Variants in SLC12A7 observed in about 807,000 individuals in gnomAD.
SLC12A7 encodes the protein solute carrier family 12 member 7, also known as K-Cl cotransporter 4.
A neutral mutation model predicts 120.6 loss-of-function variants in SLC12A7; 100 were observed. The ratio of observed to expected loss-of-function variants is 0.83; its 90% CI spans 0.71 to 0.98. The LOEUF is 0.98. Ranked by LOEUF, SLC12A7 falls within the 50% of genes least tolerant of loss-of-function variation. The pLI is 0.00. For missense variants in SLC12A7, 1,373 were observed against 1,548.1 expected (o/e 0.89, Z 1.90); for synonymous variants, 760 against 678.0 (o/e 1.12, Z -1.88).
In SLC12A7 at chr5:1,064,125, G is replaced by A. The variant is rs137938985; in HGVS notation, c.2565C>T (p.Gly855=). ...HIDVWWIVHD[G]GMLMLLPFLL... ...GGAAGGGCAGCAGCATGAGCATGCC[G>A]CCGTCGTGCACGATCCACCACACGT... Residue 855 remains glycine, a synonymous_variant, in exon 19 of 24, where the codon GGC becomes GGT. Transcript: ENST00000264930. The A allele has an allele frequency of 2.3e-3, 3,698 of 1,610,530 alleles. 3 individuals are homozygous for A. The highest frequency in any genetic ancestry group is 2.7e-3 in the Non-Finnish European group (3,231 of 1,178,512).
chr5:1,079,901 G>A (rs1738812809), intron 9 of SLC12A7, among the ~76,000 whole-genome samples: 1 of 152,234 alleles, frequency 6.6e-6, no homozygotes, highest in Non-Finnish European at 1.5e-5. Flanking sequence ...AGCCCAGCCA[G>A]CCAGGCCAGC....
the SLC12A7 span, among the ~76,000 whole-genome samples, chr5:1,147,871 G>A: frequency 3.3e-5 from 5 of 151,976 alleles, no homozygotes; most frequent in Admixed American, 6.6e-5. Flanking sequence ...AGGTGGGACC[G>A]TGGGTGTGCA....
intron 1 of SLC12A7, among the ~76,000 whole-genome samples, chr5:1,102,462 G>C (rs995702105): frequency 6.6e-6 from 1 of 152,098 alleles, no homozygotes; most frequent in African/African-American, 2.4e-5. Context: ...GCCATTCTCC[G>C]CAAAGGGCTC....
chr5:1,131,195 A>G, the SLC12A7 span, among the ~76,000 whole-genome samples: 2 of 152,078 alleles, frequency 1.3e-5, no homozygotes, highest in African/African-American at 4.8e-5. Flanking sequence ...ACACGTGGGG[A>G]CACGCTCGGA....
chr5:1,058,757 A>G (rs1024571409), intron 21 of SLC12A7, among the ~76,000 whole-genome samples: 2 of 152,112 alleles, frequency 1.3e-5, no homozygotes, highest in African/African-American at 4.8e-5. Context: ...TAAATTTCCC[A>G]TGGCCTTGAA....
the SLC12A7 span, among the ~76,000 whole-genome samples, chr5:1,117,441 C>T: frequency 6.6e-6 from 1 of 152,066 alleles, no homozygotes; most frequent in Admixed American, 6.5e-5. This position sits in a 1 kb window ranked among gnomAD's most constrained non-coding sequence, Gnocchi z 4.5. Flanking sequence ...AAACCTCCTT[C>T]TTGCCTGAGG....
the SLC12A7 span, among the ~76,000 whole-genome samples, chr5:1,135,582 C>T: frequency 3.3e-5 from 5 of 152,216 alleles, no homozygotes; most frequent in Admixed American, 1.3e-4. Flanking sequence ...ACAAAGACAG[C>T]TCCAAAACAA....
At chr5:1,066,828 G>C (rs929950539) in intron 17 of SLC12A7, among the ~76,000 whole-genome samples, 7 of 152,156 alleles carry the variant, frequency 4.6e-5, no homozygotes, top group African/African-American at 1.7e-4. Context: ...TGGAGGCAGC[G>C]TGGCCTGCGG....
rs1735138651 is a variant in SLC12A7, at chr5:1,052,401, C to T, written c.3211G>A (p.Val1071Ile). The T allele has an allele frequency of 6.2e-7, 1 of 1,612,836 alleles. No individual in the cohort carries two copies. Among genetic ancestry groups the T allele is most frequent in the Non-Finnish European group, 8.5e-7 (1 of 1,180,012 alleles). Residue 1071 changes from valine to isoleucine, a missense_variant, in exon 24 of 24, where the codon GTC becomes ATC. By Grantham distance (29) the Val-to-Ile change is conservative. Coordinates refer to ENST00000264930, the MANE Select transcript of SLC12A7 (RefSeq NM_006598.3). Reference protein sequence around the residue: ...LTEGLNRVLLVRGGGREVITI... With the variant: ...LTEGLNRVLLIRGGGREVITI... Reference sequence around the variant, plus strand: ...ATCACCTCCCGGCCGCCACCCCTGACCAGGAGGACTCTGTTCAGCCCCTCG... The same window carrying T: ...ATCACCTCCCGGCCGCCACCCCTGATCAGGAGGACTCTGTTCAGCCCCTCG...
intron 18 of SLC12A7, among the ~76,000 whole-genome samples, chr5:1,065,064 GAGGGGA>G (rs1736866685): frequency 7.1e-6 from 1 of 141,434 alleles, no homozygotes; most frequent in Admixed American, 7.0e-5. Flanking sequence ...GGGGGACAGT[GAGGGGA>G]CAGCAAGGGG....
chr5:1,054,149 G>A (rs2150773849), intron 22 of SLC12A7, among the ~76,000 whole-genome samples: 1 of 152,226 alleles, frequency 6.6e-6, no homozygotes, highest in Non-Finnish European at 1.5e-5. Context: ...CCCTCCTACG[G>A]CCCACCCTGC....
chr5:1,063,843 C>T lies in SLC12A7; in HGVS notation c.2739+1G>A, dbSNP rs200597362. The T allele has an allele frequency of 6.5e-7, 1 of 1,543,676 alleles. No individual in the cohort carries two copies. Among genetic ancestry groups the T allele is most frequent in the East Asian group, 2.4e-5 (1 of 41,416 alleles). ...CCTCCCCTCAAGCCCTCGGGACTCA[C>T]CATCTCCACCACCTCCACCTCGGCG... is the stretch of plus-strand genomic sequence containing the variant. On this transcript the variant is annotated splice_donor_variant, in intron 20 of 23. Coordinates refer to ENST00000264930, the MANE Select transcript of SLC12A7 (RefSeq NM_006598.3). LOFTEE classifies it high-confidence loss of function.
rs754955257 is a variant in SLC12A7, at chr5:1,057,580, T to C, written c.2917A>G (p.Thr973Ala). Residue 973 changes from threonine (T) to alanine (A), a missense_variant, in exon 22 of 24, where the codon ACG (threonine) becomes GCG (alanine). Physicochemically the swap from Thr to Ala is moderately conservative, Grantham distance 58. Transcript: ENST00000264930. Reference sequence around the variant, plus strand: ...CAGGTCATCTGCACCTTGTCTGGCGTAGGCGGCGCTTGGGTCCTGGCTGCC... The same window carrying C: ...CAGGTCATCTGCACCTTGTCTGGCGCAGGCGGCGCTTGGGTCCTGGCTGCC... The part of the protein sequence containing the change: ...AAAARTQAPP[T>A]PDKVQMTWTR... 6.2e-7 allele frequency: 1 copy of C among 1,611,822 alleles called. No individual in the cohort carries two copies. The highest frequency in any genetic ancestry group is 8.5e-7 in the Non-Finnish European group (1 of 1,179,950).
chr5:1,077,268 C>A (rs991417003), intron 12 of SLC12A7, among the ~76,000 whole-genome samples: 4 of 152,196 alleles, frequency 2.6e-5, no homozygotes, highest in Non-Finnish European at 4.4e-5. Context: ...AAAGGCCCTG[C>A]GGGTCGGCAC....
intron 1 of SLC12A7, among the ~76,000 whole-genome samples, chr5:1,103,171 A>G (rs1396560097): frequency 1.3e-5 from 2 of 152,150 alleles, no homozygotes; most frequent in African/African-American, 4.8e-5. Flanking sequence ...GCTTCAGGCA[A>G]GCTCTCAGGC....
At chr5:1,074,009 G>C (rs1447275535) in intron 16 of SLC12A7, among the ~76,000 whole-genome samples, 1 of 152,182 alleles carries the variant, frequency 6.6e-6, no homozygotes, top group Admixed American at 6.5e-5. Context: ...TGACAGGTGA[G>C]ACAGGCCACA....
At chr5:1,093,354 C>G (rs1419926772) in intron 3 of SLC12A7, among the ~76,000 whole-genome samples, 179 bp downstream of exon 3, 1 of 152,190 alleles carries the variant, frequency 6.6e-6, no homozygotes, top group South Asian at 2.1e-4. Flanking sequence ...GGGAAGAGGC[C>G]TGGACAGGAG....
upstream of SLC12A7, chr5:1,112,101 C>T: frequency 8.8e-7 from 1 of 1,142,712 alleles, no homozygotes; most frequent in Non-Finnish European, 1.1e-6. Flanking sequence ...CCGCCCCGCC[C>T]CGCCCGGGCC....
the SLC12A7 span, among the ~76,000 whole-genome samples, chr5:1,137,834 C>T: frequency 2.0e-5 from 3 of 152,232 alleles, no homozygotes; most frequent in Non-Finnish European, 4.4e-5. Flanking sequence ...GCCCCTCCCC[C>T]GGCACCAGCT....
Sources: gnomAD v4.1 joint callset for allele counts (sites outside exome capture counted in the v4.1 genomes callset) on GRCh38, gnomAD v4.1.1 for gene constraint, Gnocchi (gnomAD v3.1) non-coding constraint, MANE v1.5 for transcripts, NCBI Gene and HGNC (gene_info 2026-07-23, HGNC 2026-07-21) for gene names.